PLPPR1: variants seen among roughly 807,000 people sequenced by gnomAD.
PLPPR1 encodes the protein phospholipid phosphatase related 1.
In PLPPR1, 10 loss-of-function variants were observed where a neutral mutation model predicts 33.1. The observed-to-expected ratio is 0.30, with a 90% confidence interval of 0.19 to 0.51. The LOEUF is 0.51. Ranked by LOEUF, PLPPR1 falls within the 20% of genes least tolerant of loss-of-function variation. The pLI is 0.97. For synonymous variants in PLPPR1, 151 were observed against 151.0 expected (o/e 1.00, Z 0.00); for missense variants, 304 against 408.1 (o/e 0.74, Z 2.20).
chr9:101,299,941 C>T (rs1350831721), intron 4 of PLPPR1, among the ~76,000 whole-genome samples: 3 of 152,226 alleles, frequency 2.0e-5, no homozygotes, highest in African/African-American at 4.8e-5. Flanking sequence ...AAAATGTCTC[C>T]AAACATTACA....
rs923205898 is a variant in PLPPR1, at chr9:101,085,864, G to C, written c.-46+56762G>C. 2.0e-5 allele frequency among the ~76,000 whole-genome samples: 3 copies of C among 151,986 alleles called. No homozygotes were observed. In the East Asian group the frequency reaches 5.8e-4, roughly 29 times the overall value. ...ACTTCCCTCATTGGAAATGGACCGG[G>C]GGGGGCTCTACTGTCTTCATCCCAA... On this transcript the variant is annotated intron_variant, in intron 1 of 7. Coordinates refer to ENST00000374874, the MANE Select transcript of PLPPR1 (RefSeq NM_207299.2).
At chr9:101,229,824 G>A (rs1361000975) in intron 2 of PLPPR1, among the ~76,000 whole-genome samples, 2 of 152,116 alleles carry the variant, frequency 1.3e-5, no homozygotes, top group East Asian at 3.9e-4. Context: ...CTTGCCAAGT[G>A]ACTGAAGTGG....
intron 1 of PLPPR1, among the ~76,000 whole-genome samples, chr9:101,141,561 CAT>C (rs1831450963): frequency 6.6e-6 from 1 of 152,126 alleles, no homozygotes; most frequent in Admixed American, 6.5e-5. Context: ...TTTTTCCTAA[CAT>C]ATGATAAGCA....
chr9:101,042,269 C>G (rs1588004022), intron 1 of PLPPR1, among the ~76,000 whole-genome samples: 1 of 152,314 alleles, frequency 6.6e-6, no homozygotes, highest in Non-Finnish European at 1.5e-5. Flanking sequence ...TCTTTTCCCT[C>G]TCTCACAAAC....
At chr9:101,128,336 G>A (rs754029032) in intron 1 of PLPPR1, among the ~76,000 whole-genome samples, 38 of 152,228 alleles carry the variant, frequency 2.5e-4, no homozygotes, top group Non-Finnish European at 4.9e-4. Flanking sequence ...ATTCAGAGAA[G>A]TTATTTCTTT....
intron 2 of PLPPR1, among the ~76,000 whole-genome samples, chr9:101,259,236 G>A (rs1245701632): frequency 6.6e-6 from 1 of 152,102 alleles, no homozygotes; most frequent in Non-Finnish European, 1.5e-5. Flanking sequence ...AGCCCAAGAA[G>A]AGAGGTAGAC....
chr9:101,246,097 TATATATATATATAG>T (rs1388718483), intron 2 of PLPPR1, among the ~76,000 whole-genome samples: 48 of 101,318 alleles, frequency 4.7e-4, no homozygotes, highest in African/African-American at 1.1e-3. Context: ...TATATATATA[TATATATATATATAG>T]ATAGATAGAT....
intron 2 of PLPPR1, among the ~76,000 whole-genome samples, chr9:101,211,469 C>T (rs76323327): frequency 0.027 from 4,096 of 152,264 alleles, 183 homozygotes; most frequent in African/African-American, 0.093. Context: ...CCATGGTGTG[C>T]ATCATCCCTT....
chr9:101,173,464 A>C (rs1243152539), intron 1 of PLPPR1, among the ~76,000 whole-genome samples: 6 of 152,170 alleles, frequency 3.9e-5, no homozygotes, highest in Non-Finnish European at 2.9e-5. Flanking sequence ...CTAACGGATA[A>C]AACAGCCCTG....
At chr9:101,130,191 G>T (rs1014020634) in intron 1 of PLPPR1, among the ~76,000 whole-genome samples, 1 of 151,986 alleles carries the variant, frequency 6.6e-6, no homozygotes, top group African/African-American at 2.4e-5. Flanking sequence ...GAAGCTGGGG[G>T]AAAAAGCAAA....
At chr9:101,192,564 G>T (rs902892322) in intron 2 of PLPPR1, among the ~76,000 whole-genome samples, 8 of 152,116 alleles carry the variant, frequency 5.3e-5, no homozygotes, top group Non-Finnish European at 1.0e-4. Flanking sequence ...ACCTGAATGT[G>T]CTTGCCAAGA....
At chr9:101,267,557 C>G (rs1828019807) in intron 2 of PLPPR1, among the ~76,000 whole-genome samples, 1 of 152,066 alleles carries the variant, frequency 6.6e-6, no homozygotes, top group African/African-American at 2.4e-5. Context: ...ACGCTAGATA[C>G]TAGAAGAATG....
chr9:101,150,184 C>T (rs1164417126), intron 1 of PLPPR1, among the ~76,000 whole-genome samples: 1 of 152,004 alleles, frequency 6.6e-6, no homozygotes, highest in Non-Finnish European at 1.5e-5. Context: ...TTCTGTATCT[C>T]TTCTTTAAGC....
rs540918400 is a variant in PLPPR1 at position 101,046,502 on chromosome 9, C to T, written c.-46+17400C>T. 7.5e-5 allele frequency among the ~76,000 whole-genome samples: 11 copies of T among 145,880 alleles called. 1 individual carries two copies. In the South Asian group the frequency reaches 1.1e-3, roughly 14 times the overall value. On this transcript the variant is annotated intron_variant, in intron 1 of 7. Transcript: ENST00000374874. ...TCGCCCAGGCTTGAGTGCAGTGGCA[C>T]GATCTCAGCTCACTGCAAGCTCTGC...
At chr9:101,236,730 AT>A (rs1158569661) in intron 2 of PLPPR1, among the ~76,000 whole-genome samples, 1 of 151,684 alleles carries the variant, frequency 6.6e-6, no homozygotes, top group Non-Finnish European at 1.5e-5. Context: ...TACTTTGAAC[AT>A]TTTTTTCTTT....
At chr9:101,230,539 T>C (rs1827160513) in intron 2 of PLPPR1, among the ~76,000 whole-genome samples, 1 of 152,134 alleles carries the variant, frequency 6.6e-6, no homozygotes, top group South Asian at 2.1e-4. Context: ...ATATGTGTTC[T>C]AGTCTGTTCC....
intron 1 of PLPPR1, among the ~76,000 whole-genome samples, chr9:101,121,572 AT>A (rs999131207): frequency 3.3e-5 from 5 of 152,048 alleles, no homozygotes; most frequent in Admixed American, 6.6e-5. Context: ...ATCAAGGAGT[AT>A]TTTTTTTGTC....
rs569865411 is a variant in PLPPR1 at position 101,294,571 on chromosome 9, G to A, written c.385+8335G>A. 8.5e-3 allele frequency among the ~76,000 whole-genome samples: 1,289 copies of A among 151,184 alleles called. 11 individuals are homozygous for A. Among genetic ancestry groups the A allele is most frequent in the African/African-American group, 0.028 (1,139 of 41,064 alleles). On this transcript the variant is annotated intron_variant, in intron 4 of 7. Coordinates refer to ENST00000374874, the MANE Select transcript of PLPPR1 (RefSeq NM_207299.2). Reference sequence around the variant, plus strand: ...ATCCTCAATAAAATACTGGCAAACCGAATCCAGCAGCACATCAAAAAGCTT... The same window carrying A: ...ATCCTCAATAAAATACTGGCAAACCAAATCCAGCAGCACATCAAAAAGCTT...
intron 1 of PLPPR1, among the ~76,000 whole-genome samples, chr9:101,056,557 T>C (rs1487058255): frequency 6.6e-6 from 1 of 152,138 alleles, no homozygotes; most frequent in Admixed American, 6.5e-5. Context: ...TTTGGAGTGA[T>C]TCAAATTAGA....
Sources: gnomAD v4.1 joint callset for allele counts (sites outside exome capture counted in the v4.1 genomes callset) on GRCh38, gnomAD v4.1.1 for gene constraint, MANE v1.5 for transcripts, NCBI Gene and HGNC (gene_info 2026-07-23, HGNC 2026-07-21) for gene names.